Variants in PTPRE observed in about 807,000 individuals in gnomAD.
PTPRE encodes protein tyrosine phosphatase receptor type E.
Under a neutral mutation model 102.0 loss-of-function variants are expected in PTPRE, and 51 were observed. The ratio of observed to expected loss-of-function variants is 0.50; its 90% CI spans 0.40 to 0.63. PTPRE has a LOEUF of 0.63. PTPRE is among the 30% of genes least tolerant of loss of function. The pLI, the probability that PTPRE is intolerant of heterozygous loss-of-function variation, is 0.00. For synonymous variants in PTPRE, 345 were observed against 348.2 expected (o/e 0.99, Z 0.10); for missense variants, 752 against 915.1 (o/e 0.82, Z 2.30).
At chr10:128,069,524 A>T in intron 12 of PTPRE, 168 bp from the exon 13 acceptor site, 2 of 850,692 alleles carry the variant, frequency 2.4e-6, no homozygotes, top group Non-Finnish European at 3.6e-6. Context: ...AGATCACTTT[A>T]CTGAGACCAC....
At chr10:127,976,291 C>G (rs1851172414) in intron 1 of PTPRE, among the ~76,000 whole-genome samples, 1 of 152,144 alleles carries the variant, frequency 6.6e-6, no homozygotes, top group Non-Finnish European at 1.5e-5. Flanking sequence ...TGCCATGTTT[C>G]CAAATTTGAT....
chr10:127,951,903 G>A lies in PTPRE; in HGVS notation c.-30-30371G>A, dbSNP rs118030428. ...AGTGAATTATGATAAGCTTAACCAA[G>A]TGGTGACGCCAATTGCAGCAGCTGT... On this transcript the variant is annotated intron_variant, in intron 1 of 20. Transcript: ENST00000254667. Among the ~76,000 whole-genome samples, 366 of 152,306 alleles carry A rather than the reference G, an allele frequency of 2.4e-3. 10 individuals carry two copies. In the East Asian group the frequency reaches 0.064, roughly 27 times the overall value.
intron 1 of PTPRE, among the ~76,000 whole-genome samples, chr10:127,963,570 G>A (rs796320280): frequency 9.8e-5 from 15 of 152,310 alleles, no homozygotes; most frequent in South Asian, 4.1e-4. Flanking sequence ...AGGCAGAGCC[G>A]AGTTGAGACA....
At chr10:127,924,393 T>C (rs1369931348) in intron 1 of PTPRE, among the ~76,000 whole-genome samples, 6 of 152,142 alleles carry the variant, frequency 3.9e-5, no homozygotes, top group African/African-American at 1.2e-4. Context: ...GCCTGGCTAA[T>C]TTTTGTATTT....
intron 2 of PTPRE, among the ~76,000 whole-genome samples, chr10:128,007,312 A>G (rs1201093075): frequency 6.6e-6 from 1 of 152,250 alleles, no homozygotes; most frequent in Non-Finnish European, 1.5e-5. Context: ...CACTTATTTT[A>G]ATGACGCAAG....
Position 128,069,689 on chromosome 10 carries a change from A to G in PTPRE, c.1008-3A>G. The G allele has an allele frequency of 6.2e-7, 1 of 1,614,054 alleles. No homozygotes were observed. The highest frequency in any genetic ancestry group is 1.3e-5 in the African/African-American group (1 of 75,030). ...GACGCAGCATCTTTCTCTTTCCCCA[A>G]AGCGCGGGCGTGGGCCGGACGGGCA... On this transcript the variant is annotated splice_polypyrimidine_tract_variant and splice_region_variant and intron_variant, in intron 12 of 20. Coordinates refer to ENST00000254667, the MANE Select transcript of PTPRE (RefSeq NM_006504.6).
At position 128,063,121 on chromosome 10, in the gene PTPRE, G is replaced by A. The variant is rs1464539825; in HGVS notation, c.664G>A (p.Val222Ile). Residue 222 changes from valine to isoleucine, a missense_variant, in exon 10 of 21, where the codon GTC becomes ATC. Physicochemically the swap from Val to Ile is conservative, Grantham distance 29. Around this residue, in one of 2 missense-constraint regions of PTPRE, gnomAD observed 636 missense variants for 824.4 expected, o/e 0.77. Coordinates refer to ENST00000254667, the MANE Select transcript of PTPRE (RefSeq NM_006504.6). Reference sequence around the variant, plus strand: ...AACGGTTAACGACTTCTGGAGAATGGTCTGGGAGCAAAAGTCTGCGACCAT... The same window carrying A: ...AACGGTTAACGACTTCTGGAGAATGATCTGGGAGCAAAAGTCTGCGACCAT... ...QETVNDFWRM[V>I]WEQKSATIVM... 3 of 1,614,212 alleles carry A rather than the reference G, an allele frequency of 1.9e-6. No individual in the cohort carries two copies. The highest frequency in any genetic ancestry group is 1.7e-5 in the Admixed American group (1 of 60,018).
intron 1 of PTPRE, among the ~76,000 whole-genome samples, chr10:127,923,276 G>A (rs1366749082): frequency 6.6e-6 from 1 of 152,230 alleles, no homozygotes; most frequent in Admixed American, 6.5e-5. Context: ...CAGACAGAGT[G>A]TGGGGACACC....
At chr10:128,011,599 T>G (rs985664892) in intron 2 of PTPRE, among the ~76,000 whole-genome samples, 24 of 152,250 alleles carry the variant, frequency 1.6e-4, no homozygotes, top group South Asian at 2.1e-4. Flanking sequence ...CCATCCCTAA[T>G]GCTTCCAAAT....
At chr10:128,076,877 C>G (rs1330254978) in intron 18 of PTPRE, 149 bp downstream of exon 18, 11 of 1,108,218 alleles carry the variant, frequency 9.9e-6, no homozygotes, top group Middle Eastern at 2.0e-4. Context: ...CAATGGGTTT[C>G]AGAGACAGTG....
intron 1 of PTPRE, among the ~76,000 whole-genome samples, chr10:127,929,133 G>A (rs1847234277): frequency 6.6e-6 from 1 of 152,158 alleles, no homozygotes; most frequent in African/African-American, 2.4e-5. Flanking sequence ...CTACAATATG[G>A]AACCATTGTA....
intron 1 of PTPRE, among the ~76,000 whole-genome samples, chr10:127,913,011 G>T (rs987041773): frequency 6.6e-6 from 1 of 152,248 alleles, no homozygotes; most frequent in African/African-American, 2.4e-5. Flanking sequence ...GGACTTAGGA[G>T]CAGAATGACT....
At chr10:127,926,134 C>G (rs1219329091) in intron 1 of PTPRE, among the ~76,000 whole-genome samples, 1 of 152,176 alleles carries the variant, frequency 6.6e-6, no homozygotes, top group African/African-American at 2.4e-5. Flanking sequence ...TTTCTCAAGG[C>G]AGAGTAGCCA....
At chr10:127,977,545 G>A (rs1330400524) in intron 1 of PTPRE, among the ~76,000 whole-genome samples, 1 of 152,188 alleles carries the variant, frequency 6.6e-6, no homozygotes, top group Admixed American at 6.5e-5. Flanking sequence ...TGTGTAAAAG[G>A]CATTTTCCTT....
intron 1 of PTPRE, 106 bp from the exon 2 acceptor site, chr10:127,982,168 A>G (rs1028955292): frequency 6.3e-6 from 4 of 633,972 alleles, no homozygotes; most frequent in Non-Finnish European, 9.3e-6. Flanking sequence ...ACAATTAAGC[A>G]AAAATGGGAT....
intron 10 of PTPRE, among the ~76,000 whole-genome samples, chr10:128,063,734 G>A (rs933307853): frequency 1.3e-5 from 2 of 152,222 alleles, no homozygotes; most frequent in Non-Finnish European, 2.9e-5. Context: ...AATGTAACAA[G>A]TACTCATTAG....
intron 1 of PTPRE, among the ~76,000 whole-genome samples, chr10:127,953,520 G>A (rs978501375): frequency 6.6e-6 from 1 of 152,216 alleles, no homozygotes; most frequent in Non-Finnish European, 1.5e-5. Flanking sequence ...GGCATGCACA[G>A]CAGCACACTA....
Position 127,934,487 on chromosome 10 carries a change from C to T in PTPRE, c.-31+27178C>T, listed in dbSNP as rs536649767. ...GAAAACCTAAGTACTTCACAGAAAG[C>T]TCGGTGACGGTTTGAGTTTCCCAGA... On this transcript the variant is annotated intron_variant, in intron 1 of 20. Transcript: ENST00000254667. 8 of 152,352 alleles carry T rather than the reference C, an allele frequency of 5.3e-5. No individual in the cohort carries two copies. In the East Asian group the frequency reaches 1.5e-3, roughly 29 times the overall value. 9.4% of individuals were successfully genotyped at this position (152,352 alleles called of 1,614,324 possible).
chr10:128,021,044 G>T (rs548729376), intron 2 of PTPRE, among the ~76,000 whole-genome samples: 1 of 151,976 alleles, frequency 6.6e-6, no homozygotes, highest in Non-Finnish European at 1.5e-5. Flanking sequence ...ACAGGTGCCC[G>T]CCCCCACACC....
Sources: allele counts gnomAD v4.1 joint callset (sites outside exome capture counted in the v4.1 genomes callset), GRCh38; gene constraint gnomAD v4.1.1; regional missense constraint gnomAD v4.1.1; transcripts MANE v1.5; gene names NCBI Gene and HGNC (gene_info 2026-07-23, HGNC 2026-07-21).